CMC4: variants seen among roughly 807,000 people sequenced by gnomAD.
The protein encoded by CMC4 is cx9C motif-containing protein 4.
In CMC4, 4 loss-of-function variants were observed where a neutral mutation model predicts 5.1. That is an observed-to-expected ratio of 0.78 (90% CI 0.38 to 1.78). The LOEUF (loss-of-function observed/expected upper bound fraction) is 1.78, where lower values mean the gene tolerates loss of function less well. CMC4 is among the 40% of genes most tolerant of loss of function. The pLI is 0.04. For synonymous variants in CMC4, 23 were observed against 18.9 expected (o/e 1.22, Z -0.57); for missense variants, 52 against 51.3 (o/e 1.01, Z -0.04).
At chrX:155,065,255 C>T in intron 1 of CMC4, 2 of 429,675 alleles carry the variant, frequency 4.7e-6, no homozygotes, top group Non-Finnish European at 8.2e-6. Context: ...TTCTTCATGA[C>T]CCTTGCTAAA....
intron 2 of CMC4, 38 bp from the exon 3 acceptor site, chrX:155,062,029 T>C: frequency 8.4e-7 from 1 of 1,187,854 alleles, no homozygotes; most frequent in Non-Finnish European, 1.1e-6. Context: ...CATGATCTCA[T>C]AGGACTAAGG....
chrX:155,061,685 A>G lies in CMC4; in HGVS notation c.*158T>C. The G allele has an allele frequency of 1.9e-6, 1 of 536,850 alleles. No homozygotes were observed. The highest frequency in any genetic ancestry group is 2.9e-6 in the Non-Finnish European group (1 of 344,398). The allele number at this position is 536,850 out of a possible 1,213,427, so 44.2% of individuals were successfully genotyped here. A position where few individuals can be genotyped will look rare whatever the true frequency, so the allele number is the denominator to read the frequency against. On this transcript the variant is annotated 3_prime_UTR_variant, in exon 3 of 3. Coordinates refer to ENST00000369484, the MANE Select transcript of CMC4 (RefSeq NM_001018024.3). ...ATTACATTCTACATATTTGTCTTTTAATGTGTTTATATTTCTGCCTGTTCT... is the reference window on the plus strand; with the variant it reads ...ATTACATTCTACATATTTGTCTTTTGATGTGTTTATATTTCTGCCTGTTCT...
rs141202625 is a variant in CMC4 at position 155,061,915 on chromosome X, T to G, written c.135A>C (p.Gly45=). Residue 45 remains glycine (G), a synonymous_variant, in exon 3 of 3, where the codon GGA becomes GGC. Coordinates refer to ENST00000369484, the MANE Select transcript of CMC4 (RefSeq NM_001018024.3). ...CAAATCCTGAACAGACGACAGATCT[T>G]CCCTTGGGATACTGAGCACAACACT... ...LRKCCAQYPK[G]RSVVCSGFEK... is the part of the protein sequence containing the mutation. The G allele has an allele frequency of 8.0e-4, 970 of 1,210,052 alleles. 4 individuals are homozygous for G. The highest frequency in any genetic ancestry group is 4.1e-3 in the Middle Eastern group (18 of 4,354).
chrX:155,064,458 T>C (rs1379709004), intron 1 of CMC4: 1 of 113,352 alleles, frequency 8.8e-6, no homozygotes, highest in Non-Finnish European at 1.9e-5. Context: ...TGATAAAGTA[T>C]ATAAAGTACA....
chrX:155,065,972 G>C, intron 1 of CMC4: 1 of 1,211,670 alleles, frequency 8.3e-7, no homozygotes, highest in Non-Finnish European at 1.1e-6. Flanking sequence ...GGTGAACCCA[G>C]AGGTGATCGG....
chrX:155,061,622 T>G lies in CMC4; in HGVS notation c.*221A>C, dbSNP rs1466507044. The G allele has an allele frequency of 6.0e-6, 2 of 334,789 alleles. No individual in the cohort carries two copies. The highest frequency in any genetic ancestry group is 1.0e-5 in the Non-Finnish European group (2 of 199,600). The allele number at this position is 334,789 out of a possible 1,213,427, so 27.6% of individuals were successfully genotyped here. On this transcript the variant is annotated 3_prime_UTR_variant, in exon 3 of 3. Transcript: ENST00000369484. ...AAATACATTTAGTACAAAACCCAAA[T>G]TTTTCTCTTAAACAGGTTTATTTTA...
intron 1 of CMC4, chrX:155,064,789 C>T (rs2073942365): frequency 8.9e-6 from 1 of 112,010 alleles, no homozygotes; most frequent in African/African-American, 3.3e-5. Context: ...TTTGAAGACA[C>T]GATTTCAGAT....
intron 1 of CMC4, 82 bp from the exon 2 acceptor site, chrX:155,064,115 C>T: frequency 1.4e-6 from 1 of 740,171 alleles, no homozygotes; most frequent in South Asian, 2.8e-5. Context: ...TCTTCTGAGA[C>T]AAGCAGTATA....
At chrX:155,068,400 C>T (rs1253711311) in intron 1 of CMC4, among the ~76,000 whole-genome samples, 1 of 111,914 alleles carries the variant, frequency 8.9e-6, no homozygotes, top group Non-Finnish European at 1.9e-5. Context: ...TGGGCATCAG[C>T]GGGATGAGCT....
chrX:155,061,969 C>CTT lies in CMC4; in HGVS notation c.79_80dup (p.Cys28SerfsTer35). On this transcript the variant is annotated frameshift_variant, in exon 3 of 3. Coordinates refer to ENST00000369484, the MANE Select transcript of CMC4 (RefSeq NM_001018024.3). LOFTEE classifies it high-confidence loss of function. ...GCAGTTCTTGGATGACAGCCTGACA[C>CTT]TTTGATTCCATGTAGCTGTTGGCTG... 1 of 1,210,540 alleles carries CTT rather than the reference C, an allele frequency of 8.3e-7. No homozygotes were observed. Among genetic ancestry groups the CTT allele is most frequent in the Non-Finnish European group, 1.1e-6 (1 of 894,989 alleles).
At chrX:155,063,911 CT>C in intron 2 of CMC4, 54 bp downstream of exon 2, 1 of 950,534 alleles carries the variant, frequency 1.1e-6, no homozygotes, top group Non-Finnish European at 1.5e-6. Flanking sequence ...TAATTGGTCT[CT>C]TATAGTTAGT....
In CMC4 at chrX:155,061,870, G is replaced by A; in HGVS notation, c.180C>T (p.Asn60=). 1 of 1,210,209 alleles carries A rather than the reference G, an allele frequency of 8.3e-7. No individual in the cohort carries two copies. The highest frequency in any genetic ancestry group is 1.1e-6 in the Non-Finnish European group (1 of 894,715). ...ACTTTGATGCAGACTTCCGTGTTAG[G>A]TTTTCTTCCTCTTCTTTTTCAAATC... ...CSGFEKEEEE[N]LTRKSASK The change falls in exon 3 of 3, where the codon AAC becomes AAT. Residue 60 remains asparagine, a synonymous_variant. Transcript: ENST00000369484.
rs782085986 is a variant in CMC4, at chrX:155,061,985, C to T, written c.65G>A (p.Ser22Asn). The change falls in exon 3 of 3, where the codon AGC (serine) becomes AAC (asparagine). Residue 22 changes from serine (S) to asparagine (N), a missense_variant. Transcript: ENST00000369484. ...CEIQKCLQAN[S>N]YMESKCQAVI... is the part of the protein sequence containing the mutation. ...AGCCTGACACTTTGATTCCATGTAG[C>T]TGTTGGCTGAAAAACATACAGGCAG... 1 of 1,209,439 alleles carries T rather than the reference C, an allele frequency of 8.3e-7. No homozygotes were observed. The highest frequency in any genetic ancestry group is 1.8e-5 in the South Asian group (1 of 56,381).
intron 1 of CMC4, chrX:155,066,091 T>G (rs782280516): frequency 1.3e-6 from 1 of 799,134 alleles, no homozygotes; most frequent in South Asian, 2.4e-5. Context: ...CAGGTGTGAC[T>G]TTTTGGGTTT....
intron 1 of CMC4, chrX:155,064,271 A>G (rs782204796): frequency 6.1e-5 from 15 of 247,868 alleles, no homozygotes; most frequent in Non-Finnish European, 8.6e-5. Context: ...GAATTCAATC[A>G]ACTCTTTTTG....
At chrX:155,064,189 A>C (rs1557291844) in intron 1 of CMC4, 156 bp from the exon 2 acceptor site, 1 of 352,897 alleles carries the variant, frequency 2.8e-6, no homozygotes, top group African/African-American at 2.7e-5. Flanking sequence ...AGGATGAATC[A>C]ACTGTATTTT....
chrX:155,063,842 C>A, intron 2 of CMC4, 124 bp downstream of exon 2: 1 of 541,986 alleles, frequency 1.8e-6, no homozygotes, highest in South Asian at 3.4e-5. Flanking sequence ...TGAAGAGAAT[C>A]TTCAGGATAA....
chrX:155,067,075 G>A (rs1276088642), intron 1 of CMC4, among the ~76,000 whole-genome samples: 1 of 111,713 alleles, frequency 9.0e-6, no homozygotes, highest in Non-Finnish European at 1.9e-5. Flanking sequence ...TATAGATACG[G>A]CACTGGGGAG....
intron 1 of CMC4, among the ~76,000 whole-genome samples, chrX:155,069,278 A>C (rs1173862566): frequency 8.9e-6 from 1 of 112,561 alleles, no homozygotes; most frequent in African/African-American, 3.2e-5. Context: ...GAAGTCAATT[A>C]ATAAACTCGT....
Sources: allele counts gnomAD v4.1 joint callset (sites outside exome capture counted in the v4.1 genomes callset), GRCh38; gene constraint gnomAD v4.1.1; transcripts MANE v1.5; gene names NCBI Gene and HGNC (gene_info 2026-07-23, HGNC 2026-07-21).